Variants in SPON2 observed in about 807,000 individuals in gnomAD.
The protein encoded by SPON2 is spondin 2.
In SPON2, 32 loss-of-function variants were observed where a neutral mutation model predicts 29.9. That is an observed-to-expected ratio of 1.07 (90% CI 0.81 to 1.44). The LOEUF is 1.44. SPON2 is among the 40% of genes most tolerant of loss of function. SPON2 has a pLI of 0.00. For missense variants in SPON2, 541 were observed against 455.5 expected (o/e 1.19, Z -1.71); for synonymous variants, 248 against 209.1 (o/e 1.19, Z -1.61).
upstream of SPON2, among the ~76,000 whole-genome samples, chr4:1,198,274 G>A (rs1302915466): frequency 1.3e-5 from 2 of 152,142 alleles, no homozygotes; most frequent in African/African-American, 2.4e-5. Flanking sequence ...GCGGCACCAC[G>A]CAGAGATGAG....
chr4:1,185,167 G>T (rs562632704), intron 1 of SPON2, among the ~76,000 whole-genome samples: 1 of 151,422 alleles, frequency 6.6e-6, no homozygotes, highest in South Asian at 2.1e-4. Context: ...TCCGTCTCCT[G>T]GGTTCAAGCA....
At chr4:1,201,635 T>C (rs1048396743) in intron 1 of SPON2, among the ~76,000 whole-genome samples, 1 of 151,926 alleles carries the variant, frequency 6.6e-6, no homozygotes, top group South Asian at 2.1e-4. Context: ...CAGGCTATAG[T>C]GCAGTGGCGT....
intron 5 of SPON2, chr4:1,169,901 TGCC>T (rs1727366786): frequency 6.2e-6 from 1 of 161,220 alleles, no homozygotes; most frequent in Non-Finnish European, 1.3e-5. Flanking sequence ...GTTCCCAGCC[TGCC>T]CTGTCCAGCA....
intron 1 of SPON2, among the ~76,000 whole-genome samples, chr4:1,179,753 T>G (rs1727671969): frequency 6.6e-6 from 1 of 152,130 alleles, no homozygotes; most frequent in South Asian, 2.1e-4. Context: ...GAGCTGGAGC[T>G]CTTTCAAAGC....
At chr4:1,168,127 C>T (rs1296262424) in intron 5 of SPON2, 5 of 160,828 alleles carry the variant, frequency 3.1e-5, no homozygotes, top group Non-Finnish European at 6.7e-5. Flanking sequence ...GTTCTCGTTT[C>T]CCTGTGTCCC....
intron 1 of SPON2, among the ~76,000 whole-genome samples, chr4:1,207,518 T>G (rs1728370995): frequency 1.3e-5 from 2 of 151,970 alleles, no homozygotes; most frequent in African/African-American, 4.8e-5. Flanking sequence ...AGCCGCTGTT[T>G]CCATGTGCCG....
At position 1,167,539 on chromosome 4, in the gene SPON2, G is replaced by A; in HGVS notation, c.929C>T (p.Ala310Val). ...CTCGGGGCAGGGGCTCCCGTTGTTG[G>A]CGGGCTGGACCCGGACGTAGCGAGT... is the stretch of plus-strand genomic sequence containing the variant. ...SRTRYVRVQP[A>V]NNGSPCPELE... The change falls in exon 6 of 6, where the codon GCC becomes GTC. Residue 310 changes from alanine (A) to valine (V), a missense_variant. Coordinates refer to ENST00000290902, the MANE Select transcript of SPON2 (RefSeq NM_012445.4). The A allele has an allele frequency of 6.2e-7, 1 of 1,613,744 alleles. No individual in the cohort carries two copies. The highest frequency in any genetic ancestry group is 8.5e-7 in the Non-Finnish European group (1 of 1,180,004).
intron 1 of SPON2, among the ~76,000 whole-genome samples, chr4:1,191,078 T>A (rs964658554): frequency 2.0e-4 from 31 of 151,832 alleles, no homozygotes; most frequent in African/African-American, 7.5e-4. Context: ...ACTGCTTTTT[T>A]TTTCTTTTTT....
At chr4:1,172,097 CCGCGCG>C (rs762793499) in intron 1 of SPON2, 23 bp from the exon 2 acceptor site, 33 of 1,599,930 alleles carry the variant, frequency 2.1e-5, no homozygotes, top group Admixed American at 1.8e-4. Context: ...AGGGGAGCAG[CCGCGCG>C]CTGGCACCGT....
intron 1 of SPON2, among the ~76,000 whole-genome samples, chr4:1,181,981 G>A (rs1727708743): frequency 6.6e-6 from 1 of 152,164 alleles, no homozygotes; most frequent in Admixed American, 6.5e-5. Flanking sequence ...TATGGAGAAA[G>A]TTAGAAAGTG....
chr4:1,167,330 C>G lies in SPON2; in HGVS notation c.*142G>C. ...CCGGCCACCAGAGGGCCCTTCAGTG[C>G]AGAGATGGTCGGCGCGGCCTCACCG... On this transcript the variant is annotated 3_prime_UTR_variant, in exon 6 of 6. Coordinates refer to ENST00000290902, the MANE Select transcript of SPON2 (RefSeq NM_012445.4). 1 of 846,550 alleles carries G rather than the reference C, an allele frequency of 1.2e-6. No homozygotes were observed. Among genetic ancestry groups the G allele is most frequent in the Non-Finnish European group, 1.8e-6 (1 of 549,574 alleles). 52.4% of individuals were successfully genotyped at this position (846,550 alleles called of 1,614,324 possible). A position where few individuals can be genotyped will look rare whatever the true frequency, so the allele number is the denominator to read the frequency against.
At chr4:1,170,850 C>A in intron 4 of SPON2, 149 bp downstream of exon 4, 1 of 1,182,906 alleles carries the variant, frequency 8.5e-7, no homozygotes, top group Non-Finnish European at 1.2e-6. Context: ...CACCCCCTTG[C>A]TCACTGCTGG....
chr4:1,171,272 C>CCTGCG lies in SPON2; in HGVS notation c.430_434dup (p.Arg145SerfsTer68). On this transcript the variant is annotated frameshift_variant, in exon 3 of 6. Coordinates refer to ENST00000290902, the MANE Select transcript of SPON2 (RefSeq NM_012445.4). LOFTEE classifies it high-confidence loss of function. ...CCGGCCCCGCGCTCACCAGCGAGTG[C>CCTGCG]CTGCGCTGCACCTCCAGCTCCGCCG... is the stretch of plus-strand genomic sequence containing the variant. The CCTGCG allele has an allele frequency of 3.9e-6, 6 of 1,528,108 alleles. No homozygotes were observed. Among genetic ancestry groups the CCTGCG allele is most frequent in the Non-Finnish European group, 5.2e-6 (6 of 1,145,036 alleles). 94.7% of individuals were successfully genotyped at this position (1,528,108 alleles called of 1,614,324 possible).
At chr4:1,183,187 A>G (rs1426792626) in intron 1 of SPON2, among the ~76,000 whole-genome samples, 1 of 150,696 alleles carries the variant, frequency 6.6e-6, no homozygotes, top group Non-Finnish European at 1.5e-5. Context: ...GGTTGCAGTC[A>G]GCAGAGATCG....
chr4:1,200,485 C>T (rs1438850394), intron 1 of SPON2, among the ~76,000 whole-genome samples: 1 of 151,704 alleles, frequency 6.6e-6, no homozygotes, highest in African/African-American at 2.4e-5. Flanking sequence ...AGGGGAGGCT[C>T]AGCGGGGGCG....
upstream of SPON2, chr4:1,199,357 A>G (rs1035185200): frequency 6.6e-6 from 1 of 152,210 alleles, no homozygotes; most frequent in Non-Finnish European, 1.5e-5. The surrounding 1 kb of genome is among the most constrained non-coding windows in gnomAD (Gnocchi z 4.5). Context: ...AAATCACACC[A>G]CTGCACTCCA....
In SPON2 at chr4:1,170,528, G is replaced by C. The variant is rs376213322; in HGVS notation, c.685C>G (p.Arg229Gly). The change falls in exon 5 of 6, where the codon CGG (arginine) becomes GGG (glycine). Residue 229 changes from arginine to glycine, a missense_variant. Physicochemically the swap from Arg to Gly is moderately radical, Grantham distance 125. Transcript: ENST00000290902. Reference protein sequence around the residue: ...SHPANSFYYPRLKALPPIARV... With the variant: ...SHPANSFYYPGLKALPPIARV... The stretch of plus-strand genomic sequence containing the variant: ...GCGATGGGAGGCAGGGCCTTCAGCC[G>C]CGGGTAGTAGAAGGAGTTGGCCGGG... The C allele has an allele frequency of 2.5e-6, 4 of 1,613,846 alleles. No individual in the cohort carries two copies. Among genetic ancestry groups the C allele is most frequent in the Non-Finnish European group, 3.4e-6 (4 of 1,179,904 alleles).
At chr4:1,191,745 G>A (rs1020927123) in intron 1 of SPON2, among the ~76,000 whole-genome samples, 1 of 152,254 alleles carries the variant, frequency 6.6e-6, no homozygotes, top group African/African-American at 2.4e-5. Flanking sequence ...GGCTGTGTAG[G>A]CCCTGCCTGG....
At chr4:1,193,370 G>A (rs1361671523) in intron 1 of SPON2, among the ~76,000 whole-genome samples, 1 of 151,676 alleles carries the variant, frequency 6.6e-6, no homozygotes, top group African/African-American at 2.4e-5. Context: ...ATCTGTCCTG[G>A]GGGAGTCCAG....
Sources: gnomAD v4.1 joint callset for allele counts (sites outside exome capture counted in the v4.1 genomes callset) on GRCh38, gnomAD v4.1.1 for gene constraint, Gnocchi (gnomAD v3.1) non-coding constraint, MANE v1.5 for transcripts, NCBI Gene and HGNC (gene_info 2026-07-23, HGNC 2026-07-21) for gene names.